The following KLHL29 variants were observed in gnomAD, a reference collection of about 807,000 sequenced individuals.
KLHL29 encodes the protein kelch-like protein 29.
A neutral mutation model predicts 80.4 loss-of-function variants in KLHL29; 21 were observed. The ratio of observed to expected loss-of-function variants is 0.26; its 90% CI spans 0.19 to 0.38. The LOEUF is 0.38. KLHL29 is among the 10% of genes least tolerant of loss of function. KLHL29 has a pLI of 1.00. For synonymous variants in KLHL29, 511 were observed against 526.8 expected (o/e 0.97, Z 0.41); for missense variants, 867 against 1,223.9 (o/e 0.71, Z 4.35).
chr2:23,472,980 T>C (rs1324957765), intron 1 of KLHL29, among the ~76,000 whole-genome samples: 2 of 152,094 alleles, frequency 1.3e-5, no homozygotes, highest in Admixed American at 1.3e-4. Flanking sequence ...AGGCACAGTA[T>C]AGAGAAACCA....
At chr2:23,483,971 A>G (rs1241906809) in intron 2 of KLHL29, among the ~76,000 whole-genome samples, 4 of 152,184 alleles carry the variant, frequency 2.6e-5, no homozygotes, top group South Asian at 2.1e-4. Flanking sequence ...CGACGTGTCA[A>G]GCCAGGCATT....
chr2:23,619,376 AG>A (rs1449151861), intron 3 of KLHL29, among the ~76,000 whole-genome samples: 2 of 152,022 alleles, frequency 1.3e-5, no homozygotes, highest in African/African-American at 4.8e-5. Flanking sequence ...GTGTTCTCAG[AG>A]GGGTCTGGGG....
intron 5 of KLHL29, among the ~76,000 whole-genome samples, chr2:23,670,968 C>T (rs992502396): frequency 4.9e-4 from 12 of 24,392 alleles, no homozygotes; most frequent in African/African-American, 1.1e-3. Context: ...CTCTCTCTCT[C>T]TCTCTCTCTC....
chr2:23,485,895 C>T (rs951578640), intron 2 of KLHL29, among the ~76,000 whole-genome samples: 4 of 152,202 alleles, frequency 2.6e-5, no homozygotes, highest in South Asian at 4.1e-4. Context: ...TAGAATAGTG[C>T]GTAAGACATG....
rs879834490 is a variant in KLHL29, at chr2:23,520,997, C to CA, written c.-45-41155_-45-41154insA. Among the ~76,000 whole-genome samples the CA allele has an allele frequency of 7.0e-4, 106 of 151,224 alleles. 1 individual carries two copies. Among genetic ancestry groups the CA allele is most frequent in the African/African-American group, 2.4e-3 (99 of 40,602 alleles). On this transcript the variant is annotated intron_variant, in intron 2 of 13. Transcript: ENST00000486442. ...GCTTTCATTTTACAAAGACCACCCC[C>CA]CCCCCCGCTCCCCCTCAGGGGTGTT...
At chr2:23,602,348 T>C (rs910828509) in intron 3 of KLHL29, among the ~76,000 whole-genome samples, 2 of 152,170 alleles carry the variant, frequency 1.3e-5, no homozygotes, top group Admixed American at 1.3e-4. Context: ...CTTTTCTTGG[T>C]AACAGCACTG....
intron 3 of KLHL29, among the ~76,000 whole-genome samples, chr2:23,627,812 A>G (rs1038904597): frequency 2.0e-5 from 3 of 151,980 alleles, no homozygotes; most frequent in East Asian, 1.9e-4. Flanking sequence ...AGGTTTTACA[A>G]TGTAGAGCTG....
intron 2 of KLHL29, among the ~76,000 whole-genome samples, chr2:23,499,806 T>C (rs1177162047): frequency 6.6e-6 from 1 of 152,234 alleles, no homozygotes; most frequent in Admixed American, 6.5e-5. Flanking sequence ...TTATGACACA[T>C]CTTCCTCCAT....
At chr2:23,412,074 T>C (rs1666873872) in intron 1 of KLHL29, among the ~76,000 whole-genome samples, 1 of 146,760 alleles carries the variant, frequency 6.8e-6, no homozygotes, top group Admixed American at 7.0e-5. Flanking sequence ...GTGGTTTCCA[T>C]GCTTGGAGTA....
chr2:23,423,229 C>T (rs575872249), intron 1 of KLHL29, among the ~76,000 whole-genome samples: 8 of 152,312 alleles, frequency 5.3e-5, no homozygotes, highest in Admixed American at 2.6e-4. Context: ...ATGGTTCTCC[C>T]GGCTGCTGTC....
At chr2:23,532,249 G>A (rs941976703) in intron 2 of KLHL29, among the ~76,000 whole-genome samples, 3 of 152,192 alleles carry the variant, frequency 2.0e-5, no homozygotes, top group African/African-American at 7.2e-5. Context: ...CTCAGACACT[G>A]AATTTGATGA....
intron 1 of KLHL29, among the ~76,000 whole-genome samples, chr2:23,471,508 G>A (rs967859871): frequency 2.6e-5 from 4 of 152,126 alleles, no homozygotes; most frequent in Admixed American, 6.6e-5. Flanking sequence ...CCATTCAAGG[G>A]TCTTGCTTTC....
intron 2 of KLHL29, among the ~76,000 whole-genome samples, chr2:23,494,726 C>T (rs1374669128): frequency 2.6e-5 from 4 of 151,802 alleles, no homozygotes; most frequent in African/African-American, 7.3e-5. Flanking sequence ...TCATGAAAGA[C>T]CCCCTCGGCT....
At chr2:23,591,777 G>T (rs866086106) in intron 3 of KLHL29, among the ~76,000 whole-genome samples, 2 of 152,092 alleles carry the variant, frequency 1.3e-5, no homozygotes, top group South Asian at 2.1e-4. Flanking sequence ...GATAGAACTC[G>T]CCTTCCTCGT....
At chr2:23,565,538 G>C (rs1372698705) in intron 3 of KLHL29, among the ~76,000 whole-genome samples, 1 of 152,306 alleles carries the variant, frequency 6.6e-6, no homozygotes, top group East Asian at 1.9e-4. Flanking sequence ...GCCGTCTAGC[G>C]GGCTCCAGAC....
chr2:23,458,631 A>G (rs1399535492), intron 1 of KLHL29, among the ~76,000 whole-genome samples: 1 of 152,218 alleles, frequency 6.6e-6, no homozygotes, highest in African/African-American at 2.4e-5. Context: ...TGGCAACCTC[A>G]CGTCAAGAAC....
intron 1 of KLHL29, among the ~76,000 whole-genome samples, chr2:23,454,244 T>A (rs1381547209): frequency 1.3e-5 from 2 of 151,604 alleles, no homozygotes; most frequent in African/African-American, 4.8e-5. Flanking sequence ...CCCGGCCCCT[T>A]GAGATCTGGA....
chr2:23,638,099 A>AG (rs1052726829), intron 3 of KLHL29, among the ~76,000 whole-genome samples: 1 of 151,296 alleles, frequency 6.6e-6, no homozygotes, highest in African/African-American at 2.4e-5. Context: ...AAAAAAAAAA[A>AG]AAGACAAATA....
intron 2 of KLHL29, chr2:23,532,728 T>G: frequency 4.5e-6 from 2 of 448,364 alleles, no homozygotes; most frequent in Non-Finnish European, 9.0e-6. Flanking sequence ...GGAGGTGTGT[T>G]CCCAGCCTCA....
Sources: allele counts gnomAD v4.1 joint callset (sites outside exome capture counted in the v4.1 genomes callset), GRCh38; gene constraint gnomAD v4.1.1; transcripts MANE v1.5; gene names NCBI Gene and HGNC (gene_info 2026-07-23, HGNC 2026-07-21).